Variants in CDKN1A observed in about 807,000 individuals in gnomAD.
CDKN1A encodes the protein cyclin dependent kinase inhibitor 1A.
In CDKN1A, 14 loss-of-function variants were observed where a neutral mutation model predicts 14.8. That is an observed-to-expected ratio of 0.94 (90% CI 0.62 to 1.48). The LOEUF (loss-of-function observed/expected upper bound fraction) is 1.48. Ranked by LOEUF, CDKN1A falls within the 40% of genes most tolerant of loss-of-function variation. CDKN1A has a pLI of 0.00. For synonymous variants in CDKN1A, 92 were observed against 93.5 expected, an observed-to-expected ratio of 0.98 and a Z score of 0.09; for missense variants, 203 against 231.7, an observed-to-expected ratio of 0.88 and a Z score of 0.80.
intron 1 of CDKN1A, among the ~76,000 whole-genome samples, chr6:36,681,352 T>TC: frequency 1.1e-5 from 1 of 90,584 alleles, no homozygotes; most frequent in Non-Finnish European, 2.2e-5. Flanking sequence ...CTTTCTTTCT[T>TC]TTTCTTTCTT....
At position 36,687,251 on chromosome 6, in the gene CDKN1A, G is replaced by A. The variant is rs1036363838; in HGVS notation, c.*1451G>A. The A allele has an allele frequency of 8.6e-6, 2 of 232,952 alleles. No homozygotes were observed. The highest frequency in any genetic ancestry group is 6.0e-5 in the East Asian group (1 of 16,578). 14.4% of individuals were successfully genotyped at this position (232,952 alleles called of 1,614,324 possible). On this transcript the variant is annotated 3_prime_UTR_variant, in exon 3 of 3. Transcript: ENST00000244741. ...CTCTCGAGGGCAGGGACCACACCCT[G>A]TACTGTTCTGTGTCTTTCACAGCTC...
At position 36,678,998 on chromosome 6, in the gene CDKN1A, C is replaced by T; in HGVS notation, c.-6+200C>T. ...CTTGCGCACACGGTGTCTCTAAGTG[C>T]GCGGGTGACGAGAGTCGGGATGTGC... On this transcript the variant is annotated intron_variant, in intron 1 of 2. Coordinates refer to ENST00000244741, the MANE Select transcript of CDKN1A (RefSeq NM_000389.5). The surrounding 1 kb of genome is among the most constrained non-coding windows in gnomAD (Gnocchi z 5.7). The T allele has an allele frequency of 1.0e-6, 1 of 983,046 alleles. No individual in the cohort carries two copies. 60.9% of individuals were successfully genotyped at this position (983,046 alleles called of 1,614,324 possible). A position where few individuals can be genotyped will look rare whatever the true frequency, so the allele number is the denominator to read the frequency against.
chr6:36,678,715 A>T lies in CDKN1A; in HGVS notation c.-89A>T. On this transcript the variant is annotated 5_prime_UTR_variant, in exon 1 of 3. Transcript: ENST00000244741. The surrounding 1 kb of genome is among the most constrained non-coding windows in gnomAD (Gnocchi z 5.7). ...GGGCCGCGCTGAGCTGCGCCAGCTG[A>T]GGTGTGAGCAGCTGCCGAAGTCAGT... 1.0e-6 allele frequency: 1 copy of T among 985,252 alleles called. No homozygotes were observed. The highest frequency in any genetic ancestry group is 1.2e-6 in the Non-Finnish European group (1 of 829,876). The allele number at this position is 985,252 out of a possible 1,614,324, so 61.0% of individuals were successfully genotyped here.
chr6:36,678,645 G>T (rs1376551167), upstream of CDKN1A: 5 of 984,264 alleles, frequency 5.1e-6, no homozygotes, highest in Non-Finnish European at 2.4e-6. This position sits in a 1 kb window ranked among gnomAD's most constrained non-coding sequence, Gnocchi z 5.7. Context: ...CCGAGCGCGG[G>T]TCCCGCCTCC....
intron 1 of CDKN1A, among the ~76,000 whole-genome samples, chr6:36,681,334 T>TTCTTTCTTTTTTTC (rs780161958): frequency 1.2e-5 from 1 of 86,058 alleles, no homozygotes; most frequent in Non-Finnish European, 2.5e-5. Context: ...CTTTCTTTCT[T>TTCTTTCTTTTTTTC]TTTCTTTCTT....
At chr6:36,679,011 A>G (rs3176320) in intron 1 of CDKN1A, 336,289 of 979,090 alleles carry the variant, frequency 0.34, 59,041 homozygotes, top group African/African-American at 0.51. Context: ...GGGTGACGAG[A>G]GTCGGGATGT....
Position 36,686,132 on chromosome 6 carries a change from C to T in CDKN1A, c.*332C>T, listed in dbSNP as rs566360271. ...GGCTTCATGCCAGCTACTTCCTCCT[C>T]CCCACTTGTCCGCTGGGTGGTACCC... On this transcript the variant is annotated 3_prime_UTR_variant, in exon 3 of 3. Transcript: ENST00000244741. The surrounding 1 kb of genome is among the most constrained non-coding windows in gnomAD (Gnocchi z 4.9). The T allele has an allele frequency of 2.2e-4, 105 of 468,794 alleles. 2 individuals are homozygous for T. The highest frequency in any genetic ancestry group is 1.4e-3 in the South Asian group (61 of 45,084). The allele number at this position is 468,794 out of a possible 1,614,324, so 29.0% of individuals were successfully genotyped here.
At chr6:36,681,332 C>CT (rs766396322) in intron 1 of CDKN1A, among the ~76,000 whole-genome samples, 3 of 61,950 alleles carry the variant, frequency 4.8e-5, no homozygotes, top group African/African-American at 1.3e-4. Flanking sequence ...TTCTTTCTTT[C>CT]TTTTTCTTTC....
chr6:36,677,910 A>G (rs1411378221), upstream of CDKN1A: 7 of 1,359,796 alleles, frequency 5.1e-6, no homozygotes, highest in East Asian at 3.5e-5. Context: ...AGCTGCTGCA[A>G]CCACAGGGAT....
At chr6:36,676,996 AC>A (rs1277833865), upstream of CDKN1A, among the ~76,000 whole-genome samples, 1 of 152,158 alleles carries the variant, frequency 6.6e-6, no homozygotes, top group Admixed American at 6.5e-5. Context: ...CCCAAAGTAA[AC>A]AGACAGACAA....
At chr6:36,677,846 G>A, upstream of CDKN1A, 1 of 1,365,254 alleles carries the variant, frequency 7.3e-7, no homozygotes, top group Non-Finnish European at 9.7e-7. Flanking sequence ...TATGTGGGGA[G>A]TATTCAGGAG....
chr6:36,677,969 C>T, upstream of CDKN1A: 3 of 1,037,778 alleles, frequency 2.9e-6, no homozygotes, highest in Non-Finnish European at 4.0e-6. Context: ...GTTCAATGTC[C>T]AATTCTTCTG....
At chr6:36,681,123 G>A (rs1017678166) in intron 1 of CDKN1A, among the ~76,000 whole-genome samples, 1 of 152,158 alleles carries the variant, frequency 6.6e-6, no homozygotes, top group Non-Finnish European at 1.5e-5. Flanking sequence ...ACATACCAGT[G>A]TGTCTCCGCT....
rs1762220247 is a variant in CDKN1A, at chr6:36,686,742, TC to T, written c.*943del. ...CACACAAGAAGAAGGGCACCCTAGT[TC>T]TACCTCAGGCAGCTCAAGCAGCGAC... is the stretch of plus-strand genomic sequence containing the variant. On this transcript the variant is annotated 3_prime_UTR_variant, in exon 3 of 3. Coordinates refer to ENST00000244741, the MANE Select transcript of CDKN1A (RefSeq NM_000389.5). This position sits in a 1 kb window ranked among gnomAD's most constrained non-coding sequence, Gnocchi z 4.9. 1 of 233,908 alleles carries T rather than the reference TC, an allele frequency of 4.3e-6. No individual in the cohort carries two copies. Among genetic ancestry groups the T allele is most frequent in the East Asian group, 6.0e-5 (1 of 16,604 alleles). The allele number at this position is 233,908 out of a possible 1,614,324, so 14.5% of individuals were successfully genotyped here.
intron 1 of CDKN1A, among the ~76,000 whole-genome samples, chr6:36,683,273 G>A (rs924877657): frequency 3.3e-5 from 5 of 152,306 alleles, no homozygotes; most frequent in Admixed American, 3.3e-4. Context: ...GACAAGTTAA[G>A]TTGCTTGCCC....
chr6:36,686,916 TCCTCATCCA>T lies in CDKN1A; in HGVS notation c.*1119_*1127del, dbSNP rs1762228012. ...GGCCCCTCAAATCGTCCAGCGACCT[TCCTCATCCA>T]CCCCATCCCTCCCCAGTTCATTGCA... On this transcript the variant is annotated 3_prime_UTR_variant, in exon 3 of 3. Coordinates refer to ENST00000244741, the MANE Select transcript of CDKN1A (RefSeq NM_000389.5). The surrounding 1 kb of genome is among the most constrained non-coding windows in gnomAD (Gnocchi z 4.9). The T allele has an allele frequency of 4.3e-6, 1 of 233,796 alleles. No individual in the cohort carries two copies. The highest frequency in any genetic ancestry group is 8.5e-6 in the Non-Finnish European group (1 of 118,130). The allele number at this position is 233,796 out of a possible 1,614,324, so 14.5% of individuals were successfully genotyped here. A position where few individuals can be genotyped will look rare whatever the true frequency, so the allele number is the denominator to read the frequency against.
chr6:36,677,558 C>T (rs1582559306), upstream of CDKN1A: 7 of 330,522 alleles, frequency 2.1e-5, no homozygotes, highest in East Asian at 1.2e-4. Flanking sequence ...TAGATGGGAG[C>T]GGATAGACAC....
chr6:36,681,411 T>TCCTTTCTCTTTC (rs1554185414), intron 1 of CDKN1A, among the ~76,000 whole-genome samples: 2 of 88,788 alleles, frequency 2.3e-5, no homozygotes, highest in African/African-American at 9.2e-5. Context: ...CTTTCTTCCT[T>TCCTTTCTCTTTC]TCTCTTTCTC....
intron 1 of CDKN1A, chr6:36,680,777 C>T (rs1282081873): frequency 6.6e-6 from 1 of 152,164 alleles, no homozygotes; most frequent in African/African-American, 2.4e-5. Context: ...ATTCACTGAG[C>T]TCTTACTGGA....
Sources: allele counts gnomAD v4.1 joint callset (sites outside exome capture counted in the v4.1 genomes callset), GRCh38; gene constraint gnomAD v4.1.1; non-coding constraint Gnocchi (gnomAD v3.1); transcripts MANE v1.5; gene names NCBI Gene and HGNC (gene_info 2026-07-23, HGNC 2026-07-21).